SLC39A9: variants seen among roughly 807,000 people sequenced by gnomAD.
SLC39A9 encodes the protein solute carrier family 39 member 9, also known as zinc transporter ZIP9.
In SLC39A9, 14 loss-of-function variants were observed where a neutral mutation model predicts 28.4. That is an observed-to-expected ratio of 0.49 (90% CI 0.33 to 0.77). The LOEUF (loss-of-function observed/expected upper bound fraction) is 0.77. Ranked by LOEUF, SLC39A9 falls within the 30% of genes least tolerant of loss-of-function variation. SLC39A9 has a pLI of 0.02. For synonymous variants in SLC39A9, 119 were observed against 149.6 expected (o/e 0.80, Z 1.49); for missense variants, 283 against 381.1 (o/e 0.74, Z 2.14).
intron 2 of SLC39A9, among the ~76,000 whole-genome samples, chr14:69,427,090 T>A (rs1884239364): frequency 6.6e-6 from 1 of 151,438 alleles, no homozygotes; most frequent in African/African-American, 2.4e-5. Flanking sequence ...CAGCCTTGAC[T>A]TCCCCAGGTT....
chr14:69,427,233 G>C (rs758016571), intron 2 of SLC39A9, among the ~76,000 whole-genome samples: 2 of 151,616 alleles, frequency 1.3e-5, no homozygotes, highest in Non-Finnish European at 2.9e-5. Context: ...CGAACTCCTG[G>C]GCTCAAGTGA....
At position 69,442,413 on chromosome 14, in the gene SLC39A9, T is replaced by A. The variant is rs1360430124; in HGVS notation, c.403+147T>A. 5 of 752,616 alleles carry A rather than the reference T, an allele frequency of 6.6e-6. No individual in the cohort carries two copies. In the Admixed American group the frequency reaches 1.3e-4, roughly 19 times the overall value. 46.6% of individuals were successfully genotyped at this position (752,616 alleles called of 1,614,324 possible). ...GGGTTCTAGTGAACATTTAACTAAG[T>A]GGGGAGAGCTAGTGAGTTGTGGCAT... On this transcript the variant is annotated intron_variant, in intron 3 of 6. Transcript: ENST00000336643.
At chr14:69,451,156 A>G (rs1594948780) in intron 3 of SLC39A9, among the ~76,000 whole-genome samples, 2 of 152,158 alleles carry the variant, frequency 1.3e-5, no homozygotes, top group African/African-American at 4.8e-5. Flanking sequence ...GCATTGAGCT[A>G]TTTGCTGGCG....
chr14:69,420,801 G>T (rs1054628207), intron 1 of SLC39A9, among the ~76,000 whole-genome samples: 1 of 152,134 alleles, frequency 6.6e-6, no homozygotes, highest in Non-Finnish European at 1.5e-5. Context: ...TGAAGCTTGT[G>T]CATGTGTCAC....
intron 2 of SLC39A9, among the ~76,000 whole-genome samples, chr14:69,433,115 T>C (rs1884576649): frequency 6.6e-6 from 1 of 152,228 alleles, no homozygotes; most frequent in Non-Finnish European, 1.5e-5. Context: ...TAGATTGCTT[T>C]GGGCAGTATG....
chr14:69,461,047 T>G lies in SLC39A9; in HGVS notation c.*2454T>G. ...ATTTCAGTTCCGTTTTCCTCTTGTT[T>G]AAAACTGCCTCTTTAGATGTGGATG... On this transcript the variant is annotated 3_prime_UTR_variant, in exon 7 of 7. Coordinates refer to ENST00000336643, the MANE Select transcript of SLC39A9 (RefSeq NM_018375.5). The G allele has an allele frequency of 2.0e-6, 2 of 985,654 alleles. No homozygotes were observed. The highest frequency in any genetic ancestry group is 2.4e-6 in the Non-Finnish European group (2 of 830,112). 61.1% of individuals were successfully genotyped at this position (985,654 alleles called of 1,614,324 possible). A position where few individuals can be genotyped will look rare whatever the true frequency, so the allele number is the denominator to read the frequency against.
intron 2 of SLC39A9, among the ~76,000 whole-genome samples, chr14:69,435,953 G>A (rs960539271): frequency 1.3e-5 from 2 of 152,086 alleles, no homozygotes; most frequent in South Asian, 2.1e-4. Flanking sequence ...GATTATAGGC[G>A]TGAGCCACTG....
intron 4 of SLC39A9, among the ~76,000 whole-genome samples, chr14:69,453,802 G>A (rs993673976): frequency 6.6e-6 from 1 of 152,226 alleles, no homozygotes; most frequent in South Asian, 2.1e-4. Flanking sequence ...GGAAGAGATA[G>A]ACAATGACAA....
intron 1 of SLC39A9, among the ~76,000 whole-genome samples, chr14:69,411,469 A>T (rs1471223571): frequency 6.6e-6 from 1 of 152,172 alleles, no homozygotes; most frequent in Non-Finnish European, 1.5e-5. Context: ...GATAACATAA[A>T]ACCAATGGCA....
In SLC39A9 at chr14:69,439,982, A is replaced by T. The variant is rs192389259; in HGVS notation, c.206-2087A>T. On this transcript the variant is annotated intron_variant, in intron 2 of 6. Coordinates refer to ENST00000336643, the MANE Select transcript of SLC39A9 (RefSeq NM_018375.5). ...TTATAAAGGTCAATTAAAGAGGTTT[A>T]GTTGACTCACAGTTCAGCATGGCTG... is the stretch of plus-strand genomic sequence containing the variant. 7.9e-5 allele frequency among the ~76,000 whole-genome samples: 12 copies of T among 152,346 alleles called. No homozygotes were observed. The East Asian group carries it at 1.5e-3, about 20-fold the overall frequency.
At position 69,461,265 on chromosome 14, in the gene SLC39A9, C is replaced by T; in HGVS notation, c.*2672C>T. 2 of 991,240 alleles carry T rather than the reference C, an allele frequency of 2.0e-6. No homozygotes were observed. The highest frequency in any genetic ancestry group is 2.4e-6 in the Non-Finnish European group (2 of 833,730). The allele number at this position is 991,240 out of a possible 1,614,324, so 61.4% of individuals were successfully genotyped here. On this transcript the variant is annotated 3_prime_UTR_variant, in exon 7 of 7. Coordinates refer to ENST00000336643, the MANE Select transcript of SLC39A9 (RefSeq NM_018375.5). The stretch of plus-strand genomic sequence containing the variant: ...GTAGGGATAGACTTTCTTCAGATTC[C>T]AAGTGCTCTCTTAAATGGCAAATTA...
intron 4 of SLC39A9, among the ~76,000 whole-genome samples, chr14:69,454,087 T>G (rs1476419418): frequency 6.6e-6 from 1 of 152,226 alleles, no homozygotes; most frequent in African/African-American, 2.4e-5. Flanking sequence ...CACTTTAGAA[T>G]CATAACCCAA....
intron 1 of SLC39A9, among the ~76,000 whole-genome samples, chr14:69,402,082 C>T (rs1367281162): frequency 6.6e-6 from 1 of 152,116 alleles, no homozygotes; most frequent in Non-Finnish European, 1.5e-5. Context: ...GTCTGGCTTT[C>T]TTAGAGGCTA....
At chr14:69,455,001 C>A in intron 5 of SLC39A9, 104 bp downstream of exon 5, 3 of 795,906 alleles carry the variant, frequency 3.8e-6, no homozygotes, top group South Asian at 3.7e-5. Flanking sequence ...TTCTTCATTT[C>A]ATAATTGCTA....
chr14:69,432,882 A>T (rs1333798102), intron 2 of SLC39A9, among the ~76,000 whole-genome samples: 1 of 152,006 alleles, frequency 6.6e-6, no homozygotes, highest in African/African-American at 2.4e-5. Flanking sequence ...GTTCTGTTCC[A>T]TTGGTATATG....
chr14:69,402,240 C>CA (rs35302502), intron 1 of SLC39A9, among the ~76,000 whole-genome samples: 5,236 of 148,258 alleles, frequency 0.035, 148 homozygotes, highest in Non-Finnish European at 0.049. Flanking sequence ...AAAAAAAATG[C>CA]AAAAAAAAAC....
At chr14:69,401,767 T>C (rs1482341716) in intron 1 of SLC39A9, among the ~76,000 whole-genome samples, 1 of 152,204 alleles carries the variant, frequency 6.6e-6, no homozygotes, top group Non-Finnish European at 1.5e-5. Context: ...AAATCAGCAT[T>C]CATAATATCT....
At chr14:69,418,927 A>C (rs1266567400) in intron 1 of SLC39A9, among the ~76,000 whole-genome samples, 2 of 151,954 alleles carry the variant, frequency 1.3e-5, no homozygotes, top group Non-Finnish European at 2.9e-5. Context: ...GCGGTCTATC[A>C]ATTTTGTTGA....
intron 2 of SLC39A9, among the ~76,000 whole-genome samples, chr14:69,437,728 A>G (rs1447315062): frequency 1.3e-5 from 2 of 151,654 alleles, no homozygotes; most frequent in Non-Finnish European, 2.9e-5. Flanking sequence ...AACTGGGATT[A>G]TAGGTGCCTG....
Sources: allele counts gnomAD v4.1 joint callset (sites outside exome capture counted in the v4.1 genomes callset), GRCh38; gene constraint gnomAD v4.1.1; transcripts MANE v1.5; gene names NCBI Gene and HGNC (gene_info 2026-07-23, HGNC 2026-07-21).